The following ERBB4 variants were observed in gnomAD, a reference collection of about 807,000 sequenced individuals.
ERBB4 encodes the protein receptor tyrosine-protein kinase erbB-4.
ERBB4 carries 42 observed loss-of-function variants against 158.0 expected under a neutral mutation model. The observed-to-expected ratio is 0.27, with a 90% confidence interval of 0.21 to 0.34. ERBB4 has a LOEUF of 0.34. Among genes scored for constraint, ERBB4 ranks in the 10% least tolerant of loss-of-function variants. The pLI, the probability that ERBB4 is intolerant of heterozygous loss-of-function variation, is 1.00. For synonymous variants in ERBB4, 583 were observed against 558.7 expected (o/e 1.04, Z -0.61); for missense variants, 1,333 against 1,624.1 (o/e 0.82, Z 3.08).
intron 1 of ERBB4, among the ~76,000 whole-genome samples, chr2:212,202,957 C>G (rs573771336): frequency 5.9e-5 from 9 of 151,426 alleles, no homozygotes; most frequent in Admixed American, 3.3e-4. Context: ...CATAATAATA[C>G]TATACATTTA....
chr2:211,825,390 T>A (rs765333340), intron 3 of ERBB4, among the ~76,000 whole-genome samples: 1 of 151,990 alleles, frequency 6.6e-6, no homozygotes, highest in East Asian at 1.9e-4. Flanking sequence ...GAGCAAAAGA[T>A]GGCATTGTAT....
At chr2:211,515,321 A>G (rs913405599) in intron 20 of ERBB4, among the ~76,000 whole-genome samples, 1 of 152,102 alleles carries the variant, frequency 6.6e-6, no homozygotes, top group African/African-American at 2.4e-5. Context: ...TAGAAAACCC[A>G]TTAGAACACA....
At chr2:212,331,470 G>A (rs1055336779) in intron 1 of ERBB4, among the ~76,000 whole-genome samples, 2 of 151,746 alleles carry the variant, frequency 1.3e-5, no homozygotes, top group African/African-American at 2.4e-5. Flanking sequence ...AGAAAGCAAC[G>A]TAGAGAAATC....
At chr2:211,638,484 C>A (rs1354591968) in intron 16 of ERBB4, among the ~76,000 whole-genome samples, 1 of 152,144 alleles carries the variant, frequency 6.6e-6, no homozygotes, top group Admixed American at 6.5e-5. Flanking sequence ...AGTGATCTTA[C>A]AGTTTTTGGT....
chr2:212,483,990 C>T (rs1311918179), intron 1 of ERBB4, among the ~76,000 whole-genome samples: 1 of 152,164 alleles, frequency 6.6e-6, no homozygotes, highest in African/African-American at 2.4e-5. Flanking sequence ...CCCACCTCGG[C>T]CTCCCAAAGT....
chr2:212,159,271 T>G (rs889776659), intron 1 of ERBB4, among the ~76,000 whole-genome samples: 24 of 151,322 alleles, frequency 1.6e-4, no homozygotes, highest in African/African-American at 3.6e-4. Flanking sequence ...TTTGTTTTTT[T>G]TTTTTTTTTG....
intron 1 of ERBB4, among the ~76,000 whole-genome samples, chr2:212,285,918 A>G (rs1007138874): frequency 6.6e-6 from 1 of 152,126 alleles, no homozygotes; most frequent in Admixed American, 6.6e-5. Context: ...TTCTTTCTAC[A>G]TATGTTTTGA....
At chr2:211,874,780 G>C (rs1156282416) in intron 3 of ERBB4, among the ~76,000 whole-genome samples, 1 of 152,176 alleles carries the variant, frequency 6.6e-6, no homozygotes, top group Middle Eastern at 3.4e-3. Flanking sequence ...TGAGGCATTT[G>C]TTTTTCATTT....
At chr2:212,107,859 A>G (rs1003618127) in intron 2 of ERBB4, among the ~76,000 whole-genome samples, 3 of 152,158 alleles carry the variant, frequency 2.0e-5, no homozygotes, top group Non-Finnish European at 2.9e-5. Flanking sequence ...TTATTCTCTC[A>G]TATCTGCTGC....
At chr2:211,790,775 A>G (rs187550109) in intron 3 of ERBB4, among the ~76,000 whole-genome samples, 1 of 151,982 alleles carries the variant, frequency 6.6e-6, no homozygotes, top group East Asian at 1.9e-4. Context: ...TTATTTATGT[A>G]TTGTTTGTTT....
intron 20 of ERBB4, among the ~76,000 whole-genome samples, chr2:211,477,337 T>C (rs2064980520): frequency 2.6e-5 from 4 of 152,006 alleles, no homozygotes. Flanking sequence ...CTCCTACACA[T>C]ACTAACATAC....
intron 20 of ERBB4, among the ~76,000 whole-genome samples, chr2:211,482,040 C>G (rs947979719): frequency 2.6e-5 from 4 of 152,094 alleles, no homozygotes; most frequent in African/African-American, 9.7e-5. Flanking sequence ...TAGAGACAGG[C>G]AGTCTCCTAT....
At chr2:211,764,950 G>A (rs1201467028) in intron 4 of ERBB4, among the ~76,000 whole-genome samples, 1 of 152,094 alleles carries the variant, frequency 6.6e-6, no homozygotes, top group Non-Finnish European at 1.5e-5. Context: ...GACTTGCATG[G>A]AGTTAAAAAG....
At chr2:212,199,263 C>T (rs539642592) in intron 1 of ERBB4, among the ~76,000 whole-genome samples, 102 of 152,280 alleles carry the variant, frequency 6.7e-4, no homozygotes, top group African/African-American at 2.4e-3. Context: ...CTTCTGTTTA[C>T]TTTCTTTCAT....
intron 12 of ERBB4, among the ~76,000 whole-genome samples, chr2:211,683,551 G>A (rs1293133791): frequency 6.6e-6 from 1 of 152,006 alleles, no homozygotes; most frequent in African/African-American, 2.4e-5. Flanking sequence ...TTCATAGTAT[G>A]GGTTACTACA....
rs5838288 is a variant in ERBB4 at position 211,846,052 on chromosome 2, G to GTTTTT, written c.422-57898_422-57894dup. Among the ~76,000 whole-genome samples the GTTTTT allele has an allele frequency of 1.6e-3, 238 of 145,712 alleles. 1 individual carries two copies. The highest frequency in any genetic ancestry group is 4.0e-3 in the Admixed American group (58 of 14,676). ...TTCAACTACAATACTGTTAATTGTTGTTTTTTTTTTTCATTTATAGTGAAT... is the reference window on the plus strand; with the variant it reads ...TTCAACTACAATACTGTTAATTGTTGTTTTTTTTTTTTTTTTCATTTATAGTGAAT... On this transcript the variant is annotated intron_variant, in intron 3 of 27. Transcript: ENST00000342788.
intron 2 of ERBB4, among the ~76,000 whole-genome samples, chr2:212,106,459 CA>C (rs1234356422): frequency 6.6e-6 from 1 of 152,120 alleles, no homozygotes; most frequent in Non-Finnish European, 1.5e-5. Context: ...AAGCATTCAA[CA>C]GGTGACAGGT....
chr2:211,381,015 AG>A lies in ERBB4; in HGVS notation c.*2599del. 4.3e-6 allele frequency: 1 copy of A among 232,460 alleles called. No homozygotes were observed. The highest frequency in any genetic ancestry group is 8.5e-6 in the Non-Finnish European group (1 of 117,540). The allele number at this position is 232,460 out of a possible 1,614,324, so 14.4% of individuals were successfully genotyped here. On this transcript the variant is annotated 3_prime_UTR_variant, in exon 28 of 28. Transcript: ENST00000342788. ...TGACTCGATGCAGATTTATTTAGAA[AG>A]GGAGGCTTATATTCAATTTTTCATA...
intron 3 of ERBB4, among the ~76,000 whole-genome samples, chr2:211,833,253 G>A (rs78005709): frequency 2.0e-4 from 31 of 152,190 alleles, no homozygotes; most frequent in Non-Finnish European, 4.1e-4. Flanking sequence ...CTAGAAATAA[G>A]GCAGCTCCCT....
Sources: gnomAD v4.1 joint callset for allele counts (sites outside exome capture counted in the v4.1 genomes callset) on GRCh38, gnomAD v4.1.1 for gene constraint, MANE v1.5 for transcripts, NCBI Gene and HGNC (gene_info 2026-07-23, HGNC 2026-07-21) for gene names.